Variants in PHF24 observed in about 807,000 individuals in gnomAD.
PHF24 encodes PHD finger protein 24.
Under a neutral mutation model 42.6 loss-of-function variants are expected in PHF24, and 25 were observed. The observed-to-expected ratio is 0.59, with a 90% CI of 0.43 to 0.82. The LOEUF (loss-of-function observed/expected upper bound fraction) is 0.82, where lower values mean the gene tolerates loss of function less well. Ranked by LOEUF, PHF24 falls within the 40% of genes least tolerant of loss-of-function variation. PHF24 has a pLI of 0.00. For missense variants in PHF24, 470 were observed against 538.1 expected (o/e 0.87, Z 1.25); for synonymous variants, 185 against 204.8 (o/e 0.90, Z 0.83).
At chr9:34,827,758 A>G in the PHF24 span, among the ~76,000 whole-genome samples, 1 of 152,026 alleles carries the variant, frequency 6.6e-6, no homozygotes, top group African/African-American at 2.4e-5. Context: ...TGTCCCTCCC[A>G]TCTTCTCAGG....
At chr9:34,688,381 CTG>C in the PHF24 span, among the ~76,000 whole-genome samples, 3 of 152,200 alleles carry the variant, frequency 2.0e-5, no homozygotes, top group African/African-American at 7.2e-5. Flanking sequence ...GGCACTCACT[CTG>C]TACAGAGAAG....
the PHF24 span, among the ~76,000 whole-genome samples, chr9:34,881,001 C>G: frequency 6.6e-6 from 1 of 152,184 alleles, no homozygotes; most frequent in African/African-American, 2.4e-5. Context: ...GAAATTATAA[C>G]AAATTGTCTC....
the PHF24 span, among the ~76,000 whole-genome samples, chr9:34,669,144 A>T: frequency 6.6e-6 from 1 of 152,146 alleles, no homozygotes; most frequent in South Asian, 2.1e-4. Context: ...AAATGTATAA[A>T]ACCAAGCTGT....
the PHF24 span, among the ~76,000 whole-genome samples, chr9:34,809,851 C>T: frequency 6.6e-6 from 1 of 152,084 alleles, no homozygotes; most frequent in East Asian, 1.9e-4. The surrounding 1 kb of genome is among the most constrained non-coding windows in gnomAD (Gnocchi z 4.1). Context: ...CATCCGAGCC[C>T]ATGGAACCCC....
At chr9:34,780,583 C>A in the PHF24 span, among the ~76,000 whole-genome samples, 2 of 152,104 alleles carry the variant, frequency 1.3e-5, no homozygotes, top group Admixed American at 6.5e-5. Flanking sequence ...CTGCACCTAG[C>A]TGGCAATAGT....
the PHF24 span, chr9:34,894,909 G>T: frequency 5.0e-6 from 2 of 396,896 alleles, no homozygotes; most frequent in Non-Finnish European, 8.9e-6. Context: ...ATGAGAAATT[G>T]TCCCTGGGGG....
At chr9:34,775,504 G>T in the PHF24 span, among the ~76,000 whole-genome samples, 5 of 152,220 alleles carry the variant, frequency 3.3e-5, 1 homozygote, top group Admixed American at 3.3e-4. Flanking sequence ...TAATGCCAGT[G>T]AACTGTACAC....
At chr9:34,670,355 C>T in the PHF24 span, among the ~76,000 whole-genome samples, 1 of 152,212 alleles carries the variant, frequency 6.6e-6, no homozygotes. Context: ...GGTATCTAAA[C>T]TGGGGACAGT....
chr9:34,924,981 A>AT, the PHF24 span, among the ~76,000 whole-genome samples: 2 of 152,034 alleles, frequency 1.3e-5, no homozygotes, highest in Admixed American at 1.3e-4. Flanking sequence ...TTTCTTGATA[A>AT]TGGTAATCAT....
the PHF24 span, among the ~76,000 whole-genome samples, chr9:34,676,670 G>A: frequency 6.6e-6 from 1 of 152,302 alleles, no homozygotes; most frequent in Non-Finnish European, 1.5e-5. Context: ...TAATTTATAA[G>A]AAAAAAGGTT....
chr9:34,952,941 C>G (rs921323380), upstream of PHF24, among the ~76,000 whole-genome samples: 2 of 152,306 alleles, frequency 1.3e-5, no homozygotes, highest in South Asian at 2.1e-4. Context: ...GAATTTCAAT[C>G]TATACCTCAT....
chr9:34,760,381 G>C, the PHF24 span, among the ~76,000 whole-genome samples: 2 of 152,172 alleles, frequency 1.3e-5, no homozygotes, highest in African/African-American at 4.8e-5. Flanking sequence ...AAAGAGCTTC[G>C]CTGTGTCTCA....
chr9:34,669,158 C>G, the PHF24 span, among the ~76,000 whole-genome samples: 1 of 152,146 alleles, frequency 6.6e-6, no homozygotes, highest in Non-Finnish European at 1.5e-5. Flanking sequence ...AAGCTGTGCA[C>G]CGACCACCTT....
the PHF24 span, among the ~76,000 whole-genome samples, chr9:34,788,637 C>T: frequency 6.6e-6 from 1 of 152,198 alleles, no homozygotes; most frequent in Non-Finnish European, 1.5e-5. Context: ...CCCACACAAA[C>T]TTCCCCTACT....
At chr9:34,945,433 C>T in the PHF24 span, among the ~76,000 whole-genome samples, 5 of 152,104 alleles carry the variant, frequency 3.3e-5, no homozygotes, top group Admixed American at 6.5e-5. Flanking sequence ...GACATAGGTC[C>T]GAGTCCTGTG....
At chr9:34,669,038 C>T in the PHF24 span, among the ~76,000 whole-genome samples, 1 of 152,186 alleles carries the variant, frequency 6.6e-6, no homozygotes, top group African/African-American at 2.4e-5. Context: ...TCTTATCTAC[C>T]TATGACCTGG....
At chr9:34,854,340 T>C in the PHF24 span, among the ~76,000 whole-genome samples, 2 of 152,042 alleles carry the variant, frequency 1.3e-5, no homozygotes, top group African/African-American at 4.8e-5. Flanking sequence ...TTGCTCTTGG[T>C]TCTCTAGTTC....
the PHF24 span, among the ~76,000 whole-genome samples, chr9:34,828,193 A>G: frequency 1.3e-5 from 2 of 151,744 alleles, no homozygotes; most frequent in Non-Finnish European, 2.9e-5. Context: ...ACACTCTCTT[A>G]TATGTAAAAG....
At chr9:34,883,293 C>A in the PHF24 span, among the ~76,000 whole-genome samples, 1 of 152,202 alleles carries the variant, frequency 6.6e-6, no homozygotes, top group African/African-American at 2.4e-5. Flanking sequence ...CCATTCAGGA[C>A]ATAGGCATGG....
Sources: gnomAD v4.1 joint callset for allele counts (sites outside exome capture counted in the v4.1 genomes callset) on GRCh38, gnomAD v4.1.1 for gene constraint, Gnocchi (gnomAD v3.1) non-coding constraint, MANE v1.5 for transcripts, NCBI Gene and HGNC (gene_info 2026-07-23, HGNC 2026-07-21) for gene names.